Variants in LINGO2 observed in about 807,000 individuals in gnomAD.
The protein encoded by LINGO2 is leucine rich repeat and Ig domain containing 2, also known as leucine-rich repeat and immunoglobulin-like domain-containing nogo receptor-interacting protein 2.
Under a neutral mutation model 30.6 loss-of-function variants are expected in LINGO2, and 14 were observed. The ratio of observed to expected loss-of-function variants is 0.46; its 90% CI spans 0.30 to 0.72. The LOEUF (loss-of-function observed/expected upper bound fraction) is 0.72. Ranked by LOEUF, LINGO2 falls within the 30% of genes least tolerant of loss-of-function variation. The pLI, the probability that LINGO2 is intolerant of heterozygous loss-of-function variation, is 0.07. For synonymous variants in LINGO2, 317 were observed against 288.5 expected, an observed-to-expected ratio of 1.10 and a Z score of -1.00; for missense variants, 729 against 751.7, an observed-to-expected ratio of 0.97 and a Z score of 0.35.
At chr9:28,406,402 C>T (rs1163200899) in intron 2 of LINGO2, among the ~76,000 whole-genome samples, 1 of 152,134 alleles carries the variant, frequency 6.6e-6, no homozygotes, top group Non-Finnish European at 1.5e-5. Flanking sequence ...CACTGCACTC[C>T]AGCCTGGCAG....
intron 4 of LINGO2, among the ~76,000 whole-genome samples, chr9:28,203,201 A>G (rs1297289333): frequency 6.6e-6 from 1 of 152,216 alleles, no homozygotes; most frequent in African/African-American, 2.4e-5. Context: ...ATGTCACTAT[A>G]GTGTTTCAAT....
chr9:28,391,495 T>C (rs1335920000), intron 2 of LINGO2, among the ~76,000 whole-genome samples: 1 of 152,196 alleles, frequency 6.6e-6, no homozygotes, highest in East Asian at 1.9e-4. Context: ...TTTTCTGTTA[T>C]GATTTATCAT....
the LINGO2 span, among the ~76,000 whole-genome samples, chr9:29,197,451 T>C: frequency 6.6e-6 from 1 of 152,012 alleles, no homozygotes; most frequent in African/African-American, 2.4e-5. Flanking sequence ...ACTTGTTACA[T>C]GAGGGACTGT....
chr9:27,985,167 C>A (rs1821065857), intron 5 of LINGO2, among the ~76,000 whole-genome samples: 1 of 151,878 alleles, frequency 6.6e-6, no homozygotes, highest in Non-Finnish European at 1.5e-5. Flanking sequence ...CCAGTAGTTT[C>A]TCACTCTTCA....
chr9:28,204,661 A>C (rs1157299480), intron 4 of LINGO2, among the ~76,000 whole-genome samples: 5 of 152,116 alleles, frequency 3.3e-5, no homozygotes, highest in African/African-American at 7.2e-5. Context: ...TATCATTTGG[A>C]TTAGTTACTT....
At chr9:27,974,361 G>A (rs560309229) in intron 5 of LINGO2, among the ~76,000 whole-genome samples, 10 of 152,236 alleles carry the variant, frequency 6.6e-5, no homozygotes, top group African/African-American at 2.4e-4. Flanking sequence ...GGTCATAACA[G>A]GTCTTCAGAG....
At chr9:28,926,139 C>G in the LINGO2 span, among the ~76,000 whole-genome samples, 2 of 152,032 alleles carry the variant, frequency 1.3e-5, no homozygotes, top group Non-Finnish European at 1.5e-5. Flanking sequence ...ATGGTGAAAC[C>G]CCATCTCTAC....
chr9:29,127,153 C>A, the LINGO2 span, among the ~76,000 whole-genome samples: 1 of 152,028 alleles, frequency 6.6e-6, no homozygotes, highest in African/African-American at 2.4e-5. Flanking sequence ...GTATTTAAGC[C>A]CCAGAAAATT....
chr9:28,298,499 C>CAA (rs113910404), intron 3 of LINGO2, among the ~76,000 whole-genome samples: 6,797 of 112,250 alleles, frequency 0.061, 255 homozygotes, highest in South Asian at 0.14. Flanking sequence ...CTGTCTCTAC[C>CAA]AAAAAAAAAA....
chr9:28,265,870 C>A (rs1196479313), intron 4 of LINGO2, among the ~76,000 whole-genome samples: 3 of 151,956 alleles, frequency 2.0e-5, no homozygotes, highest in Non-Finnish European at 4.4e-5. Flanking sequence ...TTGCTGTATG[C>A]TTTGGTTAGG....
At chr9:29,188,568 C>T in the LINGO2 span, among the ~76,000 whole-genome samples, 1 of 152,182 alleles carries the variant, frequency 6.6e-6, no homozygotes, top group Non-Finnish European at 1.5e-5. Context: ...CATCATGGCC[C>T]GTTCTCAATG....
the LINGO2 span, among the ~76,000 whole-genome samples, chr9:28,694,118 A>G: frequency 1.3e-5 from 2 of 151,432 alleles, no homozygotes; most frequent in Non-Finnish European, 2.9e-5. Context: ...AATTGAATAC[A>G]TGGTTTTCAA....
the LINGO2 span, among the ~76,000 whole-genome samples, chr9:28,775,279 C>G: frequency 2.0e-5 from 3 of 152,160 alleles, no homozygotes; most frequent in African/African-American, 7.2e-5. Context: ...CACAGTTGTA[C>G]CACCACTTGA....
At chr9:28,467,050 G>C (rs1825340253) in intron 2 of LINGO2, among the ~76,000 whole-genome samples, 1 of 150,602 alleles carries the variant, frequency 6.6e-6, no homozygotes, top group Non-Finnish European at 1.5e-5. Flanking sequence ...GGGGGGGACG[G>C]AGTCTCGCTC....
chr9:28,009,188 A>G (rs1354408260), intron 5 of LINGO2, among the ~76,000 whole-genome samples: 2 of 151,754 alleles, frequency 1.3e-5, no homozygotes, highest in African/African-American at 4.8e-5. Context: ...GGATATCCAT[A>G]TGCAAAAGAA....
chr9:28,597,834 G>A (rs965309187), intron 1 of LINGO2, among the ~76,000 whole-genome samples: 9 of 151,956 alleles, frequency 5.9e-5, no homozygotes, highest in African/African-American at 9.7e-5. Flanking sequence ...ACACAATCTC[G>A]GCTCACTGCA....
At chr9:27,988,588 G>T (rs7023078) in intron 5 of LINGO2, among the ~76,000 whole-genome samples, 56,635 of 151,760 alleles carry the variant, frequency 0.37, 10,560 homozygotes, top group African/African-American at 0.4. Flanking sequence ...ATTTGTATTT[G>T]TCTGATGGCC....
the LINGO2 span, among the ~76,000 whole-genome samples, chr9:29,135,217 C>G: frequency 6.6e-6 from 1 of 152,080 alleles, no homozygotes; most frequent in Admixed American, 6.6e-5. Flanking sequence ...AAACCTCATA[C>G]TCTTTCCCAA....
chr9:28,048,428 G>A lies in LINGO2; in HGVS notation c.-86-36023C>T, dbSNP rs367982344. 7.8e-4 allele frequency among the ~76,000 whole-genome samples: 118 copies of A among 150,732 alleles called. 9 individuals carry two copies. The South Asian group carries it at 0.024, about 30-fold the overall frequency. ...ACATAAATATTAATAAACAAATACC[G>A]AGGAAACACTATCCCAAATGGAACC... On this transcript the variant is annotated intron_variant, in intron 4 of 5. Coordinates refer to ENST00000379992, the Ensembl canonical transcript of LINGO2.
Sources: allele counts gnomAD v4.1 joint callset (sites outside exome capture counted in the v4.1 genomes callset), GRCh38; gene constraint gnomAD v4.1.1; transcripts MANE v1.5; gene names NCBI Gene and HGNC (gene_info 2026-07-23, HGNC 2026-07-21).